Variants in BNC2 observed in about 807,000 individuals in gnomAD.
BNC2 encodes the protein zinc finger protein basonuclin-2.
In BNC2, 20 loss-of-function variants were observed where a neutral mutation model predicts 76.3. The ratio of observed to expected loss-of-function variants is 0.26; its 90% CI spans 0.18 to 0.38. The LOEUF is 0.38. Among genes scored for constraint, BNC2 ranks in the 10% least tolerant of loss-of-function variants. The probability of loss-of-function intolerance (pLI) is 1.00; values close to 1 mark genes in which losing one functional copy is unlikely to be tolerated. For synonymous variants in BNC2, 582 were observed against 514.8 expected (o/e 1.13, Z -1.77); for missense variants, 1,382 against 1,399.8 (o/e 0.99, Z 0.20).
At chr9:16,845,872 G>A (rs558785568) in intron 1 of BNC2, among the ~76,000 whole-genome samples, 27 of 152,074 alleles carry the variant, frequency 1.8e-4, no homozygotes, top group East Asian at 5.8e-4. Context: ...TTAGTGGCCC[G>A]GGCGCGGTGG....
At chr9:16,735,653 C>T (rs1204990848) in intron 2 of BNC2, among the ~76,000 whole-genome samples, 1 of 151,694 alleles carries the variant, frequency 6.6e-6, no homozygotes, top group Non-Finnish European at 1.5e-5. Flanking sequence ...TGTGCCATCA[C>T]CCCCGGCTAA....
chr9:16,857,991 C>T (rs1819304843), intron 1 of BNC2, among the ~76,000 whole-genome samples: 1 of 152,210 alleles, frequency 6.6e-6, no homozygotes, highest in East Asian at 1.9e-4. Context: ...GCCAGGTAAA[C>T]TGTAAAGCAA....
In BNC2 at chr9:16,794,821, G is replaced by C. The variant is rs11999821; in HGVS notation, c.4-56336C>G. On this transcript the variant is annotated intron_variant, in intron 1 of 6. Transcript: ENST00000380672. ...AGATTTGTTTTTCAAAAAATTAGCT[G>C]TCCTTTTTCATTTACACAATTTTCC... 6.7e-3 allele frequency among the ~76,000 whole-genome samples: 1,014 copies of C among 152,096 alleles called. 11 individuals carry two copies. Among genetic ancestry groups the C allele is most frequent in the African/African-American group, 0.023 (942 of 41,498 alleles).
intron 3 of BNC2, among the ~76,000 whole-genome samples, chr9:16,586,230 A>G (rs1188264417): frequency 1.3e-5 from 2 of 152,088 alleles, no homozygotes; most frequent in Non-Finnish European, 2.9e-5. Flanking sequence ...AGTGAAGATG[A>G]TCAGCATATC....
At chr9:16,718,633 C>A (rs559711327) in intron 3 of BNC2, among the ~76,000 whole-genome samples, 5 of 152,154 alleles carry the variant, frequency 3.3e-5, no homozygotes, top group African/African-American at 9.6e-5. Flanking sequence ...AATAAGAAAC[C>A]ATCATGCTAT....
At chr9:16,584,858 A>C (rs1819726237) in intron 3 of BNC2, among the ~76,000 whole-genome samples, 1 of 152,162 alleles carries the variant, frequency 6.6e-6, no homozygotes, top group Non-Finnish European at 1.5e-5. Flanking sequence ...TTCCACTAAA[A>C]ACAAGAACTT....
chr9:16,623,214 C>T (rs974161214), intron 3 of BNC2, among the ~76,000 whole-genome samples: 2 of 152,014 alleles, frequency 1.3e-5, no homozygotes, highest in Non-Finnish European at 2.9e-5. Context: ...AAACGAGACA[C>T]AAAGTAGTCA....
Position 16,659,147 on chromosome 9 carries a change from CGGGG to C in BNC2, c.330+68646_330+68649del, listed in dbSNP as rs34748774. Reference sequence around the variant, plus strand: ...GTGTGGGTAAATGGCAGATGGATGGCGGGGGGGGGCATGTGAATGCACACACGTG... The same window carrying C: ...GTGTGGGTAAATGGCAGATGGATGGCGGGGGCATGTGAATGCACACACGTG... On this transcript the variant is annotated intron_variant, in intron 3 of 6. Transcript: ENST00000380672. 3.3e-5 allele frequency among the ~76,000 whole-genome samples: 5 copies of C among 150,246 alleles called. No homozygotes were observed. The East Asian group carries it at 7.8e-4, about 24-fold the overall frequency.
intron 1 of BNC2, among the ~76,000 whole-genome samples, chr9:16,862,586 G>A (rs1038221277): frequency 1.3e-5 from 2 of 152,172 alleles, no homozygotes; most frequent in Non-Finnish European, 2.9e-5. Flanking sequence ...AGTCACCTGC[G>A]TAGAGATACT....
chr9:16,579,112 G>A (rs1425711162), intron 4 of BNC2, among the ~76,000 whole-genome samples: 1 of 152,058 alleles, frequency 6.6e-6, no homozygotes, highest in Non-Finnish European at 1.5e-5. Context: ...TTAATTTAGT[G>A]GGAAATACCT....
intron 4 of BNC2, chr9:16,575,224 C>G: frequency 2.0e-6 from 2 of 979,762 alleles, no homozygotes; most frequent in Non-Finnish European, 1.2e-6. Flanking sequence ...CAGTCTCATT[C>G]AAGAACAACA....
chr9:16,643,631 C>A (rs542421861), intron 3 of BNC2, among the ~76,000 whole-genome samples: 2 of 151,994 alleles, frequency 1.3e-5, no homozygotes, highest in African/African-American at 4.8e-5. Flanking sequence ...GAATTCTTTG[C>A]TTTTTTTGCA....
chr9:16,826,128 C>A (rs1586914923), intron 1 of BNC2, among the ~76,000 whole-genome samples: 1 of 152,216 alleles, frequency 6.6e-6, no homozygotes, highest in Non-Finnish European at 1.5e-5. Flanking sequence ...ATCTTACTTA[C>A]CACCATGCAC....
At chr9:16,463,498 G>A (rs1422995159) in intron 5 of BNC2, among the ~76,000 whole-genome samples, 1 of 142,056 alleles carries the variant, frequency 7.0e-6, no homozygotes, top group Admixed American at 6.8e-5. Context: ...GGGTTTCACC[G>A]TTTTAGCCAG....
chr9:16,810,887 C>T (rs1325557161), intron 1 of BNC2, among the ~76,000 whole-genome samples: 1 of 152,154 alleles, frequency 6.6e-6, no homozygotes, highest in African/African-American at 2.4e-5. Context: ...TATGAAATCT[C>T]CCCAAATTTT....
At chr9:16,607,887 A>C (rs1262504408) in intron 3 of BNC2, among the ~76,000 whole-genome samples, 1 of 152,178 alleles carries the variant, frequency 6.6e-6, no homozygotes, top group Non-Finnish European at 1.5e-5. Flanking sequence ...CTGAAACATT[A>C]ATGTGTGAAC....
chr9:16,629,743 TA>T (rs982803071), intron 3 of BNC2, among the ~76,000 whole-genome samples: 83 of 152,014 alleles, frequency 5.5e-4, no homozygotes, highest in African/African-American at 2.0e-3. Flanking sequence ...GCATTATGTC[TA>T]AAAAAAACAG....
chr9:16,412,946 AAGT>A lies in BNC2; in HGVS notation c.*6040_*6042del, dbSNP rs1820505242. 1 of 152,722 alleles carries A rather than the reference AAGT, an allele frequency of 6.5e-6. No homozygotes were observed. The allele number at this position is 152,722 out of a possible 1,614,324, so 9.5% of individuals were successfully genotyped here. On this transcript the variant is annotated 3_prime_UTR_variant, in exon 7 of 7. Coordinates refer to ENST00000380672, the MANE Select transcript of BNC2 (RefSeq NM_017637.6). ...TGTGTCCCTTCAGGGCCAGGGCAAT[AAGT>A]AGCCAGGAGAGCTGGGCTGAAGCAG...
chr9:16,683,848 A>T (rs1005642407), intron 3 of BNC2, among the ~76,000 whole-genome samples: 4 of 152,184 alleles, frequency 2.6e-5, no homozygotes, highest in Non-Finnish European at 5.9e-5. Context: ...TCCATAGCTG[A>T]TCATCTTTTA....
Sources: gnomAD v4.1 joint callset for allele counts (sites outside exome capture counted in the v4.1 genomes callset) on GRCh38, gnomAD v4.1.1 for gene constraint, MANE v1.5 for transcripts, NCBI Gene and HGNC (gene_info 2026-07-23, HGNC 2026-07-21) for gene names.